CHD7: variants seen among roughly 807,000 people sequenced by gnomAD.
CHD7 encodes ATP-dependent chromatin remodeler CHD7.
In CHD7, 24 loss-of-function variants were observed where a neutral mutation model predicts 307.3. That is an observed-to-expected ratio of 0.08 (90% CI 0.06 to 0.11). The LOEUF (loss-of-function observed/expected upper bound fraction) is 0.11, where lower values mean the gene tolerates loss of function less well. CHD7 is among the 10% of genes least tolerant of loss of function. CHD7 has a pLI of 1.00. For synonymous variants in CHD7, 1,363 were observed against 1,349.9 expected (o/e 1.01, Z -0.21); for missense variants, 3,106 against 3,727.1 (o/e 0.83, Z 4.34).
chr8:60,684,777 G>A (rs1304337678), intron 1 of CHD7, among the ~76,000 whole-genome samples: 1 of 152,194 alleles, frequency 6.6e-6, no homozygotes, highest in African/African-American at 2.4e-5. Flanking sequence ...GTGTTAAGCA[G>A]CCTTTGACAC....
chr8:60,804,549 T>A (rs1280842895), intron 6 of CHD7, among the ~76,000 whole-genome samples: 1 of 152,206 alleles, frequency 6.6e-6, no homozygotes, highest in African/African-American at 2.4e-5. Context: ...CTAAGTGAAC[T>A]GTGATTTGGT....
intron 6 of CHD7, among the ~76,000 whole-genome samples, chr8:60,801,821 C>T (rs1348073456): frequency 6.6e-6 from 1 of 152,164 alleles, no homozygotes; most frequent in East Asian, 1.9e-4. Context: ...TCAGAGTGGA[C>T]TAGAAACTCA....
intron 15 of CHD7, among the ~76,000 whole-genome samples, chr8:60,831,040 A>G (rs1011696761): frequency 2.0e-5 from 3 of 152,200 alleles, no homozygotes; most frequent in African/African-American, 7.2e-5. Flanking sequence ...TAGCACCTCT[A>G]TCCTCTGAGA....
Position 60,852,960 on chromosome 8 carries a change from A to G in CHD7, c.6235A>G (p.Lys2079Glu). Residue 2079 changes from lysine (K) to glutamate (E), a missense_variant, in exon 31 of 38, where the codon AAG (lysine) becomes GAG (glutamate). Around this residue, in one of 10 missense-constraint regions of CHD7, gnomAD observed 1,030 missense variants for 1,165.4 expected, o/e 0.88. Coordinates refer to ENST00000423902, the MANE Select transcript of CHD7 (RefSeq NM_017780.4). ...LHHPQLGERLKLCQPSLDLPE... is the reference protein window; with the variant it reads ...LHHPQLGERLELCQPSLDLPE... ...TCACCCCCAGCTGGGAGAGAGGCTTAAGCTCTGCCAGCCAAGCTTGGATCT... is the reference window on the plus strand; with the variant it reads ...TCACCCCCAGCTGGGAGAGAGGCTTGAGCTCTGCCAGCCAAGCTTGGATCT... 1 of 1,613,972 alleles carries G rather than the reference A, an allele frequency of 6.2e-7. No individual in the cohort carries two copies. Among genetic ancestry groups the G allele is most frequent in the South Asian group, 1.1e-5 (1 of 91,080 alleles).
At chr8:60,683,439 C>T (rs1805729712) in intron 1 of CHD7, among the ~76,000 whole-genome samples, 2 of 152,128 alleles carry the variant, frequency 1.3e-5, no homozygotes, top group Non-Finnish European at 2.9e-5. Flanking sequence ...ACTATGTGTC[C>T]ATATTTTACT....
At position 60,836,260 on chromosome 8, in the gene CHD7, G is replaced by A; in HGVS notation, c.3966G>A (p.Leu1322=). ...AGATGGTGCGCTGCTTGGACATACTGGAAGACTACCTCATTCAAAGACGGT... is the reference window on the plus strand; with the variant it reads ...AGATGGTGCGCTGCTTGGACATACTAGAAGACTACCTCATTCAAAGACGGT... ...FSQMVRCLDI[L]EDYLIQRRYP... Residue 1322 remains leucine (L), a synonymous_variant, in exon 16 of 38, where the codon CTG becomes CTA. Coordinates refer to ENST00000423902, the MANE Select transcript of CHD7 (RefSeq NM_017780.4). The A allele has an allele frequency of 6.2e-7, 1 of 1,613,810 alleles. No homozygotes were observed. Among genetic ancestry groups the A allele is most frequent in the Non-Finnish European group, 8.5e-7 (1 of 1,179,814 alleles).
intron 1 of CHD7, among the ~76,000 whole-genome samples, chr8:60,701,354 C>A (rs949904658): frequency 6.6e-6 from 1 of 152,166 alleles, no homozygotes; most frequent in Non-Finnish European, 1.5e-5. Context: ...TCTTTATTTG[C>A]GGACTGTCCC....
chr8:60,723,930 C>T (rs940350494), intron 1 of CHD7, among the ~76,000 whole-genome samples: 3 of 152,216 alleles, frequency 2.0e-5, no homozygotes, highest in Non-Finnish European at 4.4e-5. Context: ...GACCCAGCAC[C>T]ATGCAGAGCA....
Position 60,865,266 on chromosome 8 carries a change from C to T in CHD7, c.8327C>T (p.Pro2776Leu), listed in dbSNP as rs1242086026. Residue 2776 changes from proline to leucine, a missense_variant, in exon 38 of 38, where the codon CCT becomes CTT. By Grantham distance (98) the Pro-to-Leu change is moderately conservative. Transcript: ENST00000423902. The surrounding 1 kb of genome is among the most constrained non-coding windows in gnomAD (Gnocchi z 4.3). ...SLQLAGLMGFPPGLATAATAG... is the reference protein window; with the variant it reads ...SLQLAGLMGFLPGLATAATAG... ...CAGCTGGCAGGCCTCATGGGCTTCCCTCCAGGACTGGCAACAGCTGCCACC... is the reference window on the plus strand; with the variant it reads ...CAGCTGGCAGGCCTCATGGGCTTCCTTCCAGGACTGGCAACAGCTGCCACC... 3 of 1,607,814 alleles carry T rather than the reference C, an allele frequency of 1.9e-6. No homozygotes were observed. The highest frequency in any genetic ancestry group is 2.5e-6 in the Non-Finnish European group (3 of 1,177,250).
At chr8:60,764,224 C>T (rs958028159) in intron 2 of CHD7, among the ~76,000 whole-genome samples, 1 of 152,052 alleles carries the variant, frequency 6.6e-6, no homozygotes, top group Non-Finnish European at 1.5e-5. Context: ...CTCCTGACCT[C>T]GTGATCCGCC....
intron 1 of CHD7, among the ~76,000 whole-genome samples, chr8:60,738,072 C>G (rs1180227436): frequency 1.3e-5 from 2 of 152,164 alleles, no homozygotes; most frequent in African/African-American, 4.8e-5. Flanking sequence ...AATTATGAGA[C>G]TTTAAAAAAT....
At chr8:60,747,630 A>T (rs1352115706) in intron 2 of CHD7, among the ~76,000 whole-genome samples, 1 of 152,214 alleles carries the variant, frequency 6.6e-6, no homozygotes, top group Non-Finnish European at 1.5e-5. Flanking sequence ...GGAAAAAATG[A>T]GGATGAAAAA....
At chr8:60,787,035 ACTT>A (rs1811522480) in intron 3 of CHD7, among the ~76,000 whole-genome samples, 2 of 152,052 alleles carry the variant, frequency 1.3e-5, no homozygotes, top group Non-Finnish European at 2.9e-5. Flanking sequence ...GAAAAAAGAC[ACTT>A]CTTTTTTTTT....
At chr8:60,731,462 G>A (rs1808452927) in intron 1 of CHD7, among the ~76,000 whole-genome samples, 1 of 152,132 alleles carries the variant, frequency 6.6e-6, no homozygotes, top group Non-Finnish European at 1.5e-5. Flanking sequence ...TCCAACTGAC[G>A]GCAATGGGGT....
chr8:60,688,054 G>C (rs1806000992), intron 1 of CHD7, among the ~76,000 whole-genome samples: 1 of 152,222 alleles, frequency 6.6e-6, no homozygotes. Context: ...GTTGGTGCCT[G>C]CTGTAGTTGT....
At chr8:60,740,787 C>G (rs992175957) in intron 1 of CHD7, among the ~76,000 whole-genome samples, 1 of 152,160 alleles carries the variant, frequency 6.6e-6, no homozygotes, top group African/African-American at 2.4e-5. Flanking sequence ...CTTTTCACAG[C>G]CCTTGGTGCT....
At chr8:60,684,249 A>T (rs1563512960) in intron 1 of CHD7, among the ~76,000 whole-genome samples, 2 of 152,194 alleles carry the variant, frequency 1.3e-5, no homozygotes, top group Admixed American at 1.3e-4. Flanking sequence ...GGCACTTTTT[A>T]AAGTGACCCT....
intron 2 of CHD7, among the ~76,000 whole-genome samples, chr8:60,755,857 T>A (rs1224807830): frequency 6.6e-6 from 1 of 152,214 alleles, no homozygotes; most frequent in Non-Finnish European, 1.5e-5. Flanking sequence ...CCAAGTTATT[T>A]TTTAAAGAAG....
chr8:60,813,324 G>T (rs2150733431), intron 7 of CHD7, among the ~76,000 whole-genome samples: 1 of 152,184 alleles, frequency 6.6e-6, no homozygotes, highest in South Asian at 2.1e-4. Context: ...GGTTCTCCAG[G>T]TACCTGATCA....
Sources: allele counts gnomAD v4.1 joint callset (sites outside exome capture counted in the v4.1 genomes callset), GRCh38; gene constraint gnomAD v4.1.1; regional missense constraint gnomAD v4.1.1; non-coding constraint Gnocchi (gnomAD v3.1); transcripts MANE v1.5; gene names NCBI Gene and HGNC (gene_info 2026-07-23, HGNC 2026-07-21).